The following SLC13A3 variants were observed in gnomAD, a reference collection of about 807,000 sequenced individuals.
SLC13A3 encodes Na(+)/dicarboxylate cotransporter 3.
Under a neutral mutation model 59.0 loss-of-function variants are expected in SLC13A3, and 40 were observed. The observed-to-expected ratio is 0.68, with a 90% CI of 0.53 to 0.88. The LOEUF is 0.88. Among genes scored for constraint, SLC13A3 ranks in the 40% least tolerant of loss-of-function variants. SLC13A3 has a pLI of 0.00. For missense variants in SLC13A3, 699 were observed against 783.2 expected, an observed-to-expected ratio of 0.89 and a Z score of 1.28; for synonymous variants, 317 against 330.3, an observed-to-expected ratio of 0.96 and a Z score of 0.44.
At chr20:46,618,918 G>A (rs190192577) in intron 1 of SLC13A3, among the ~76,000 whole-genome samples, 2 of 152,278 alleles carry the variant, frequency 1.3e-5, no homozygotes, top group Admixed American at 6.5e-5. Context: ...TCCTAGCCAC[G>A]AACTTCAGTT....
At chr20:46,635,042 T>A (rs2062782450) in intron 1 of SLC13A3, among the ~76,000 whole-genome samples, 1 of 152,142 alleles carries the variant, frequency 6.6e-6, no homozygotes, top group Non-Finnish European at 1.5e-5. Flanking sequence ...TTAAATCCCA[T>A]CTGGGCTCTT....
At position 46,583,223 on chromosome 20, in the gene SLC13A3, A is replaced by G. The variant is rs180856056; in HGVS notation, c.1219+349T>C. ...CTTAGGGGAAAGCAAAATTTGATACATGGACACTGAAATTTAGATTTCATG... is the reference window on the plus strand; with the variant it reads ...CTTAGGGGAAAGCAAAATTTGATACGTGGACACTGAAATTTAGATTTCATG... On this transcript the variant is annotated intron_variant, in intron 9 of 12. Transcript: ENST00000279027. 154 of 545,528 alleles carry G rather than the reference A, an allele frequency of 2.8e-4. No homozygotes were observed. The East Asian group carries it at 0.012, about 41-fold the overall frequency. The allele number at this position is 545,528 out of a possible 1,614,324, so 33.8% of individuals were successfully genotyped here. A position where few individuals can be genotyped will look rare whatever the true frequency, so the allele number is the denominator to read the frequency against.
At chr20:46,619,938 C>T (rs1262155157) in intron 1 of SLC13A3, among the ~76,000 whole-genome samples, 2 of 152,164 alleles carry the variant, frequency 1.3e-5, no homozygotes, top group African/African-American at 2.4e-5. Flanking sequence ...CCATGACTTT[C>T]GTGACCTTGG....
intron 2 of SLC13A3, among the ~76,000 whole-genome samples, chr20:46,612,261 AG>A (rs2062507129): frequency 6.6e-6 from 1 of 150,408 alleles, no homozygotes; most frequent in Admixed American, 6.7e-5. Context: ...CTTTCTGAGT[AG>A]CTGGGATCAC....
intron 1 of SLC13A3, among the ~76,000 whole-genome samples, chr20:46,630,006 C>T (rs1008513264): frequency 8.5e-5 from 13 of 152,084 alleles, no homozygotes; most frequent in Non-Finnish European, 1.3e-4. Flanking sequence ...AAGACCGGTT[C>T]TTTGTTGGAG....
intron 3 of SLC13A3, chr20:46,608,622 T>A: frequency 3.1e-6 from 1 of 321,484 alleles, no homozygotes; most frequent in Admixed American, 4.3e-5. Context: ...GCTGTGAAAA[T>A]AAAATAAGCA....
At chr20:46,638,086 G>A (rs1322942418) in intron 1 of SLC13A3, among the ~76,000 whole-genome samples, 1 of 152,192 alleles carries the variant, frequency 6.6e-6, no homozygotes, top group African/African-American at 2.4e-5. Flanking sequence ...TGAGAGCCAG[G>A]CCTTGGCAGG....
chr20:46,579,297 C>T (rs1032549580), intron 9 of SLC13A3, among the ~76,000 whole-genome samples: 1 of 152,012 alleles, frequency 6.6e-6, no homozygotes, highest in Admixed American at 6.6e-5. Flanking sequence ...AGGCTAATTT[C>T]TTAAATTTCT....
chr20:46,583,941 AAG>A, intron 8 of SLC13A3: 1 of 985,382 alleles, frequency 1.0e-6, no homozygotes, highest in Non-Finnish European at 1.2e-6. Flanking sequence ...GACTTGACCA[AAG>A]AGGGGAGAAT....
chr20:46,650,750 A>C (rs1223267150), intron 1 of SLC13A3, among the ~76,000 whole-genome samples: 1 of 152,220 alleles, frequency 6.6e-6, no homozygotes, highest in Non-Finnish European at 1.5e-5. Context: ...TACAGCACCA[A>C]GCACAGAATT....
At position 46,561,640 on chromosome 20, in the gene SLC13A3, T is replaced by C. The variant is rs1415364814; in HGVS notation, c.1633-1442A>G. Among the ~76,000 whole-genome samples, 4 of 151,068 alleles carry C rather than the reference T, an allele frequency of 2.6e-5. No homozygotes were observed. The East Asian group carries it at 7.9e-4, about 30-fold the overall frequency. ...ACTGGAAACATTTCTTCTGGAATATTCTTATTCAAGTTTTTTTTTGTTTTT... is the reference window on the plus strand; with the variant it reads ...ACTGGAAACATTTCTTCTGGAATATCCTTATTCAAGTTTTTTTTTGTTTTT... On this transcript the variant is annotated intron_variant, in intron 12 of 12. Coordinates refer to ENST00000279027, the MANE Select transcript of SLC13A3 (RefSeq NM_022829.6).
chr20:46,624,884 A>C (rs572129443), intron 1 of SLC13A3, among the ~76,000 whole-genome samples: 1 of 152,250 alleles, frequency 6.6e-6, no homozygotes, highest in Admixed American at 6.5e-5. Flanking sequence ...AGGACCCCTA[A>C]GGGAGTTCCC....
At chr20:46,674,604 C>CGCGCGCATGTGT (rs370861850), upstream of SLC13A3, among the ~76,000 whole-genome samples, 1 of 127,882 alleles carries the variant, frequency 7.8e-6, no homozygotes, top group African/African-American at 3.2e-5. Context: ...CGCGCGCGCG[C>CGCGCGCATGTGT]GTGTGTGTGT....
chr20:46,583,956 G>T (rs143891612), intron 8 of SLC13A3: 50 of 985,228 alleles, frequency 5.1e-5, no homozygotes, highest in Non-Finnish European at 6.0e-5. Flanking sequence ...GGGAGAATCC[G>T]AGGGCCGCAG....
chr20:46,649,907 C>T (rs1426931471), intron 1 of SLC13A3, among the ~76,000 whole-genome samples: 1 of 152,198 alleles, frequency 6.6e-6, no homozygotes, highest in Non-Finnish European at 1.5e-5. Context: ...CTTCTTACTC[C>T]ATGTGCCCAA....
Position 46,557,949 on chromosome 20 carries a change from A to G in SLC13A3, c.*2073T>C, listed in dbSNP as rs1304432694. The G allele has an allele frequency of 6.6e-6, 1 of 152,254 alleles. No individual in the cohort carries two copies. Among genetic ancestry groups the G allele is most frequent in the Non-Finnish European group, 1.5e-5 (1 of 68,048 alleles). 9.4% of individuals were successfully genotyped at this position (152,254 alleles called of 1,614,324 possible). On this transcript the variant is annotated 3_prime_UTR_variant, in exon 13 of 13. Transcript: ENST00000279027. ...TGTTAATTCTGGAGCAGATTCAAGC[A>G]GCAAATATTTACTGAACACTTGCTA...
At chr20:46,678,718 T>G (rs1034307965) in intron 1 of SLC13A3, among the ~76,000 whole-genome samples, 4 of 152,204 alleles carry the variant, frequency 2.6e-5, no homozygotes, top group African/African-American at 9.7e-5. Context: ...TGCTCTTGTA[T>G]CTTATTGGCC....
chr20:46,596,633 C>T (rs1283078720), intron 4 of SLC13A3, among the ~76,000 whole-genome samples: 2 of 152,214 alleles, frequency 1.3e-5, no homozygotes, highest in African/African-American at 4.8e-5. Flanking sequence ...ATAAAGATGA[C>T]TCTCTTCCTG....
At chr20:46,563,152 G>C (rs1038439235) in intron 12 of SLC13A3, among the ~76,000 whole-genome samples, 4 of 152,186 alleles carry the variant, frequency 2.6e-5, no homozygotes, top group African/African-American at 9.6e-5. Context: ...GCACGAAGTG[G>C]GGTCCAGAGG....
Sources: gnomAD v4.1 joint callset for allele counts (sites outside exome capture counted in the v4.1 genomes callset) on GRCh38, gnomAD v4.1.1 for gene constraint, MANE v1.5 for transcripts, NCBI Gene and HGNC (gene_info 2026-07-23, HGNC 2026-07-21) for gene names.